ARHGEF18: variants seen among roughly 807,000 people sequenced by gnomAD.
ARHGEF18 encodes Rho/Rac guanine nucleotide exchange factor 18.
A neutral mutation model predicts 155.7 loss-of-function variants in ARHGEF18; 93 were observed. The ratio of observed to expected loss-of-function variants is 0.60; its 90% CI spans 0.50 to 0.71. The LOEUF is 0.71. Ranked by LOEUF, ARHGEF18 falls within the 30% of genes least tolerant of loss-of-function variation. The probability of loss-of-function intolerance (pLI) is 0.00; values close to 1 mark genes in which losing one functional copy is unlikely to be tolerated. For synonymous variants in ARHGEF18, 742 were observed against 753.1 expected, an observed-to-expected ratio of 0.99 and a Z score of 0.24; for missense variants, 1,593 against 1,816.1, an observed-to-expected ratio of 0.88 and a Z score of 2.23.
Position 7,468,840 on chromosome 19 carries a change from C to A in ARHGEF18, c.3496C>A (p.His1166Asn), listed in dbSNP as rs1379775760. ...GTCCCCTCAGGCCCAGCCCCCAAGCCACCCTCCCAGCTTCAACGGGGAAGG... is the reference window on the plus strand; with the variant it reads ...GTCCCCTCAGGCCCAGCCCCCAAGCAACCCTCCCAGCTTCAACGGGGAAGG... ...DTLAEAQPPS[H>N]PPSFNGEGLE... Residue 1166 changes from histidine (H) to asparagine (N), a missense_variant, in exon 27 of 29, where the codon CAC becomes AAC. Coordinates refer to ENST00000668164, the MANE Select transcript of ARHGEF18 (RefSeq NM_001367823.1). 19 of 1,559,868 alleles carry A rather than the reference C, an allele frequency of 1.2e-5. No individual in the cohort carries two copies. The highest frequency in any genetic ancestry group is 1.7e-5 in the Non-Finnish European group (19 of 1,148,860).
intron 15 of ARHGEF18, among the ~76,000 whole-genome samples, 187 bp from the exon 16 acceptor site, chr19:7,450,962 T>A: frequency 6.6e-6 from 1 of 152,146 alleles, no homozygotes; most frequent in South Asian, 2.1e-4. Context: ...TGCGGGATCT[T>A]GCTGTCCGTT....
intron 2 of ARHGEF18, among the ~76,000 whole-genome samples, chr19:7,370,735 T>C (rs1449356000): frequency 6.6e-6 from 1 of 151,992 alleles, no homozygotes; most frequent in African/African-American, 2.4e-5. Flanking sequence ...TGGAATACAA[T>C]TCAACCTTAA....
intron 19 of ARHGEF18, among the ~76,000 whole-genome samples, chr19:7,459,418 CTG>C (rs1976058462): frequency 6.6e-6 from 1 of 152,140 alleles, no homozygotes; most frequent in African/African-American, 2.4e-5. Context: ...TGGGGCCTCA[CTG>C]TGTTGCCCAG....
chr19:7,411,237 T>C (rs969902685), intron 10 of ARHGEF18, among the ~76,000 whole-genome samples: 5 of 142,240 alleles, frequency 3.5e-5, no homozygotes, highest in African/African-American at 1.3e-4. Flanking sequence ...TTCTTCCTGT[T>C]CCTTTCCCCT....
rs547728613 is a variant in ARHGEF18, at chr19:7,367,472, C to T, written c.15+4567C>T. ...TAAAAAAATACTAGCTGGGGCCGGG[C>T]GTGGTGACTCACGCCTGTAATCCCA... On this transcript the variant is annotated intron_variant, in intron 2 of 28. Transcript: ENST00000668164. Among the ~76,000 whole-genome samples the T allele has an allele frequency of 1.9e-3, 291 of 152,030 alleles. 1 individual carries two copies. Among genetic ancestry groups the T allele is most frequent in the African/African-American group, 6.5e-3 (271 of 41,490 alleles).
intron 2 of ARHGEF18, among the ~76,000 whole-genome samples, chr19:7,367,093 A>G (rs1969920179): frequency 6.6e-6 from 1 of 152,116 alleles, no homozygotes; most frequent in Non-Finnish European, 1.5e-5. Flanking sequence ...ACAGCAATAT[A>G]TTATTCTATC....
At chr19:7,428,162 G>A (rs1453462223) in intron 10 of ARHGEF18, among the ~76,000 whole-genome samples, 1 of 152,174 alleles carries the variant, frequency 6.6e-6, no homozygotes, top group Non-Finnish European at 1.5e-5. Context: ...ATGTGAAACT[G>A]AATGGGGGTG....
rs895329277 is a variant in ARHGEF18 at position 7,453,448 on chromosome 19, A to T, written c.1856-19A>T. ...GTTAAAGTGGAAAAGAAAGACGCTA[A>T]CTCTGCTATGTGTGGCAGCTGGCAC... On this transcript the variant is annotated intron_variant, in intron 16 of 28. Coordinates refer to ENST00000668164, the MANE Select transcript of ARHGEF18 (RefSeq NM_001367823.1). The T allele has an allele frequency of 1.9e-6, 3 of 1,574,442 alleles. No individual in the cohort carries two copies. The highest frequency in any genetic ancestry group is 2.6e-6 in the Non-Finnish European group (3 of 1,157,506).
chr19:7,362,038 A>G (rs148093559), intron 1 of ARHGEF18, among the ~76,000 whole-genome samples: 761 of 47,502 alleles, frequency 0.016, 62 homozygotes, highest in African/African-American at 0.071. Flanking sequence ...GGAGAAGGAG[A>G]AGGAGAAGGA....
chr19:7,354,641 T>C (rs1325571894), intron 1 of ARHGEF18, among the ~76,000 whole-genome samples: 1 of 151,862 alleles, frequency 6.6e-6, no homozygotes, highest in Non-Finnish European at 1.5e-5. Flanking sequence ...GCTCAATGCC[T>C]GCAATCCCAG....
At position 7,398,915 on chromosome 19, in the gene ARHGEF18, C is replaced by T. The variant is rs1353899744; in HGVS notation, c.967+15712C>T. ...CCAGGGCCGTGGTGACTGGCTGTGC[C>T]TCCCTGGGTGTTTACCTAGCACATG... On this transcript the variant is annotated intron_variant, in intron 10 of 28. Transcript: ENST00000668164. Among the ~76,000 whole-genome samples the T allele has an allele frequency of 4.6e-5, 7 of 152,178 alleles. No homozygotes were observed. In the East Asian group the frequency reaches 9.6e-4, roughly 21 times the overall value.
rs1432420646 is a variant in ARHGEF18 at position 7,467,478 on chromosome 19, G to A, written c.3274G>A (p.Glu1092Lys). ...TGCGGGCGCGCGGCTGCAGGAGCGCGAGGGCGAGGCGCGGCAGCTACGCGA... is the reference window on the plus strand; with the variant it reads ...TGCGGGCGCGCGGCTGCAGGAGCGCAAGGGCGAGGCGCGGCAGCTACGCGA... ...ERAGARLQER[E>K]GEARQLRERL... Residue 1092 changes from glutamate (E) to lysine (K), a missense_variant, in exon 26 of 29, where the codon GAG (glutamate) becomes AAG (lysine). Transcript: ENST00000668164. The A allele has an allele frequency of 4.8e-6, 7 of 1,469,666 alleles. No individual in the cohort carries two copies. Among genetic ancestry groups the A allele is most frequent in the East Asian group, 2.7e-5 (1 of 37,660 alleles). The allele number at this position is 1,469,666 out of a possible 1,614,324, so 91.0% of individuals were successfully genotyped here.
chr19:7,476,164 A>G (rs1219661707), downstream of ARHGEF18, among the ~76,000 whole-genome samples: 1 of 152,244 alleles, frequency 6.6e-6, no homozygotes, highest in Non-Finnish European at 1.5e-5. Context: ...TTTAAAAATT[A>G]GCTGGATTTG....
Position 7,373,135 on chromosome 19 carries a change from G to C in ARHGEF18, c.275+64G>C. 11 of 1,233,188 alleles carry C rather than the reference G, an allele frequency of 8.9e-6. No homozygotes were observed. In the South Asian group the frequency reaches 4.2e-4, roughly 47 times the overall value. 76.4% of individuals were successfully genotyped at this position (1,233,188 alleles called of 1,614,324 possible). On this transcript the variant is annotated intron_variant, in intron 3 of 28. Coordinates refer to ENST00000668164, the MANE Select transcript of ARHGEF18 (RefSeq NM_001367823.1). ...CCTGGGACAGGGAAGAGGTCCAGAA[G>C]GCCAGAGCCAGGTCCTAAGACAAGC... is the stretch of plus-strand genomic sequence containing the variant.
chr19:7,362,669 T>A (rs1969679856), intron 1 of ARHGEF18, 112 bp from the exon 2 acceptor site: 4 of 1,004,544 alleles, frequency 4.0e-6, no homozygotes, highest in South Asian at 5.3e-5. Context: ...ACTCATTTTA[T>A]AGTTGAGAAA....
rs575297999 is a variant in ARHGEF18, at chr19:7,394,420, C to T, written c.967+11217C>T. Reference sequence around the variant, plus strand: ...TTCTTGGACTCTCCCCGCTAGGACTCCCCACCACTGGGAGTGCCCCCCTTA... The same window carrying T: ...TTCTTGGACTCTCCCCGCTAGGACTTCCCACCACTGGGAGTGCCCCCCTTA... On this transcript the variant is annotated intron_variant, in intron 10 of 28. Coordinates refer to ENST00000668164, the MANE Select transcript of ARHGEF18 (RefSeq NM_001367823.1). 9.9e-4 allele frequency among the ~76,000 whole-genome samples: 151 copies of T among 152,114 alleles called. 1 individual carries two copies. Among genetic ancestry groups the T allele is most frequent in the African/African-American group, 3.5e-3 (145 of 41,488 alleles).
chr19:7,454,332 G>T (rs1017500668), intron 17 of ARHGEF18, among the ~76,000 whole-genome samples: 2 of 152,172 alleles, frequency 1.3e-5, no homozygotes, highest in Admixed American at 6.5e-5. Context: ...TGGATCAGTG[G>T]CATAGTCTTG....
chr19:7,443,010 C>G (rs1049612471), intron 13 of ARHGEF18, among the ~76,000 whole-genome samples: 1 of 151,880 alleles, frequency 6.6e-6, no homozygotes, highest in African/African-American at 2.4e-5. Context: ...CTGCCTCAGC[C>G]TCCCGAGTAG....
Position 7,373,028 on chromosome 19 carries a change from C to T in ARHGEF18, c.232C>T (p.Arg78Cys), listed in dbSNP as rs973065928. The change falls in exon 3 of 29, where the codon CGC (arginine) becomes TGC (cysteine). Residue 78 changes from arginine (R) to cysteine (C), a missense_variant. Transcript: ENST00000668164. ...AGGGTCCCAAGACCTGTCAAGGCGG[C>T]GCAGCTGGGAAAGGTCGCGGAGCTG... ...LAGSQDLSRR[R>C]SWERSRSCSE... 9.7e-6 allele frequency: 12 copies of T among 1,234,310 alleles called. No individual in the cohort carries two copies. In the South Asian group the frequency reaches 1.6e-4, roughly 17 times the overall value. 76.5% of individuals were successfully genotyped at this position (1,234,310 alleles called of 1,614,324 possible). A position where few individuals can be genotyped will look rare whatever the true frequency, so the allele number is the denominator to read the frequency against.
Sources: allele counts gnomAD v4.1 joint callset (sites outside exome capture counted in the v4.1 genomes callset), GRCh38; gene constraint gnomAD v4.1.1; transcripts MANE v1.5; gene names NCBI Gene and HGNC (gene_info 2026-07-23, HGNC 2026-07-21).